Variants in GTF2I observed in about 807,000 individuals in gnomAD.
GTF2I encodes the protein general transcription factor II-I.
GTF2I carries 12 observed loss-of-function variants against 67.6 expected under a neutral mutation model. The ratio of observed to expected loss-of-function variants is 0.18; its 90% CI spans 0.11 to 0.29. GTF2I has a LOEUF of 0.29. Ranked by LOEUF, GTF2I falls within the 10% of genes least tolerant of loss-of-function variation. The probability of loss-of-function intolerance (pLI) is 1.00; values close to 1 mark genes in which losing one functional copy is unlikely to be tolerated. For synonymous variants in GTF2I, 149 were observed against 197.0 expected, an observed-to-expected ratio of 0.76 and a Z score of 2.04; for missense variants, 271 against 580.1, an observed-to-expected ratio of 0.47 and a Z score of 5.47.
chr7:74,688,900 T>C (rs1472746546), intron 1 of GTF2I: 1 of 464,342 alleles, frequency 2.2e-6, no homozygotes, highest in Non-Finnish European at 3.8e-6. Context: ...GGGTGTGATA[T>C]TGACCCAATT....
At chr7:74,695,798 T>G (rs1013065182) in intron 3 of GTF2I, among the ~76,000 whole-genome samples, 1 of 152,100 alleles carries the variant, frequency 6.6e-6, no homozygotes, top group Admixed American at 6.6e-5. Context: ...AATGCTGTTT[T>G]GATTGTGTGT....
chr7:74,730,269 T>C lies in GTF2I; in HGVS notation c.1095T>C (p.Val365=). The change falls in exon 14 of 35, where the codon GTT becomes GTC. Residue 365 remains valine, a synonymous_variant. Transcript: ENST00000573035. The part of the protein sequence containing the change: ...NARITDLRKQ[V]EELFERKYAQ... ...GCATCACTGATCTACGTAAACAAGTTGAAGAATTGTTTGAAAGGAAATATG... is the reference window on the plus strand; with the variant it reads ...GCATCACTGATCTACGTAAACAAGTCGAAGAATTGTTTGAAAGGAAATATG... The C allele has an allele frequency of 5.2e-6, 1 of 192,454 alleles. No homozygotes were observed. Among genetic ancestry groups the C allele is most frequent in the South Asian group, 3.8e-5 (1 of 26,006 alleles). The allele number at this position is 192,454 out of a possible 1,614,324, so 11.9% of individuals were successfully genotyped here.
intron 1 of GTF2I, among the ~76,000 whole-genome samples, chr7:74,669,964 C>A (rs1371080264): frequency 6.6e-6 from 1 of 152,122 alleles, no homozygotes; most frequent in African/African-American, 2.4e-5. Flanking sequence ...TGACACTTGT[C>A]TCATTAATTT....
intron 1 of GTF2I, among the ~76,000 whole-genome samples, chr7:74,661,137 C>A (rs1327676400): frequency 6.6e-6 from 1 of 152,150 alleles, no homozygotes; most frequent in African/African-American, 2.4e-5. Flanking sequence ...AACCCCTAAG[C>A]CGAGGTTGTG....
chr7:74,662,408 G>A (rs1216026436), intron 1 of GTF2I, among the ~76,000 whole-genome samples: 1 of 148,522 alleles, frequency 6.7e-6, no homozygotes, highest in Non-Finnish European at 1.5e-5. Flanking sequence ...CGGGGTTTCT[G>A]CATGTTGGTC....
At chr7:74,674,257 G>C (rs1805707983) in intron 1 of GTF2I, among the ~76,000 whole-genome samples, 1 of 151,586 alleles carries the variant, frequency 6.6e-6, no homozygotes, top group African/African-American at 2.4e-5. Context: ...GGTAGAGAAG[G>C]GATCTCACTC....
At chr7:74,689,079 C>A in intron 1 of GTF2I, 45 bp from the exon 2 acceptor site, 1 of 1,147,150 alleles carries the variant, frequency 8.7e-7, no homozygotes, top group Non-Finnish European at 1.3e-6. Flanking sequence ...GGGTTCAGGA[C>A]ACCAGATTTC....
At chr7:74,666,130 A>C (rs1171478617) in intron 1 of GTF2I, among the ~76,000 whole-genome samples, 2 of 152,202 alleles carry the variant, frequency 1.3e-5, no homozygotes, top group African/African-American at 4.8e-5. Context: ...GACGTGATCC[A>C]CCGCGCCTGG....
intron 9 of GTF2I, among the ~76,000 whole-genome samples, chr7:74,712,198 G>A (rs937958622): frequency 2.2e-4 from 34 of 151,996 alleles, no homozygotes; most frequent in Non-Finnish European, 3.5e-4. Flanking sequence ...TGATCCACCC[G>A]CCTTGGCCTC....
rs1161320476 is a variant in GTF2I at position 74,662,511 on chromosome 7, C to CT, written c.-6+4472dup. Reference sequence around the variant, plus strand: ...AGGCGTGAGCCACTGCACCTGGACCCTTTTTTTTTTTTTTTTTTTTTTTTT... The same window carrying CT: ...AGGCGTGAGCCACTGCACCTGGACCCTTTTTTTTTTTTTTTTTTTTTTTTTT... On this transcript the variant is annotated intron_variant, in intron 1 of 34. Transcript: ENST00000573035. Among the ~76,000 whole-genome samples, 102 of 50,200 alleles carry CT rather than the reference C, an allele frequency of 2.0e-3. 15 individuals are homozygous for CT. The highest frequency in any genetic ancestry group is 3.0e-3 in the South Asian group (3 of 1,014). 32.9% of individuals were successfully genotyped at this position (50,200 alleles called of 152,430 possible).
At chr7:74,689,276 A>G (rs1554396284) in intron 2 of GTF2I, 49 bp downstream of exon 2, 1 of 863,566 alleles carries the variant, frequency 1.2e-6, no homozygotes, top group African/African-American at 1.7e-5. Flanking sequence ...CCTGCACTGT[A>G]GATAAGGTTG....
At chr7:74,687,372 G>A (rs1457353844) in intron 1 of GTF2I, among the ~76,000 whole-genome samples, 4 of 151,870 alleles carry the variant, frequency 2.6e-5, no homozygotes, top group Middle Eastern at 3.4e-3. Context: ...TTACAGGTGC[G>A]TGCCACCATG....
chr7:74,674,632 G>A (rs1252193460), intron 1 of GTF2I, among the ~76,000 whole-genome samples: 4 of 152,014 alleles, frequency 2.6e-5, no homozygotes, highest in South Asian at 2.1e-4. Context: ...TCTGCCTCCC[G>A]GTTTCAAGCA....
At chr7:74,712,650 A>G (rs1554402842) in intron 9 of GTF2I, among the ~76,000 whole-genome samples, 1 of 120,288 alleles carries the variant, frequency 8.3e-6, no homozygotes, top group African/African-American at 3.7e-5. Flanking sequence ...TTCAAGATTT[A>G]TCTTTTTTTT....
chr7:74,680,099 A>AAAAAAAAAAAAAT, intron 1 of GTF2I, among the ~76,000 whole-genome samples: 1 of 94,984 alleles, frequency 1.1e-5, no homozygotes, highest in African/African-American at 4.0e-5. Context: ...AAAAAAAAAA[A>AAAAAAAAAAAAAT]ATATATATAT....
intron 1 of GTF2I, among the ~76,000 whole-genome samples, chr7:74,687,878 GTTTA>G (rs1787879231): frequency 1.3e-5 from 2 of 152,162 alleles, no homozygotes; most frequent in Admixed American, 1.3e-4. Flanking sequence ...TCCATATTAA[GTTTA>G]TTTAATTATT....
At chr7:74,720,140 C>G (rs1792756251) in intron 12 of GTF2I, among the ~76,000 whole-genome samples, 1 of 152,096 alleles carries the variant, frequency 6.6e-6, no homozygotes, top group Non-Finnish European at 1.5e-5. Flanking sequence ...TATCTTGATG[C>G]GAAAATACAC....
chr7:74,679,571 G>A (rs1787031526), intron 1 of GTF2I, among the ~76,000 whole-genome samples: 1 of 152,112 alleles, frequency 6.6e-6, no homozygotes, highest in African/African-American at 2.4e-5. Context: ...TGCAATCACT[G>A]TCTAATTATT....
At chr7:74,703,065 G>A (rs1472258322) in intron 6 of GTF2I, among the ~76,000 whole-genome samples, 1 of 151,922 alleles carries the variant, frequency 6.6e-6, no homozygotes, top group Non-Finnish European at 1.5e-5. Flanking sequence ...ATATTTTTTG[G>A]AGAAATATCT....
Sources: gnomAD v4.1 joint callset for allele counts (sites outside exome capture counted in the v4.1 genomes callset) on GRCh38, gnomAD v4.1.1 for gene constraint, MANE v1.5 for transcripts, NCBI Gene and HGNC (gene_info 2026-07-23, HGNC 2026-07-21) for gene names.